UMOD: variants seen among roughly 807,000 people sequenced by gnomAD.
The protein encoded by UMOD is Tamm-Horsfall urinary glycoprotein.
A neutral mutation model predicts 66.0 loss-of-function variants in UMOD; 64 were observed. The ratio of observed to expected loss-of-function variants is 0.97; its 90% CI spans 0.79 to 1.19. UMOD has a LOEUF of 1.19. Ranked by LOEUF, UMOD falls within the 50% of genes most tolerant of loss-of-function variation. UMOD has a pLI of 0.00. For missense variants in UMOD, 764 were observed against 850.9 expected (o/e 0.90, Z 1.27); for synonymous variants, 398 against 352.7 (o/e 1.13, Z -1.44).
rs1194903656 is a variant in UMOD at position 20,350,752 on chromosome 16, C to T, written c.-15G>A. The T allele has an allele frequency of 1.9e-6, 3 of 1,613,712 alleles. No homozygotes were observed. Among genetic ancestry groups the T allele is most frequent in the South Asian group, 2.2e-5 (2 of 91,062 alleles). ...GGCTGCCCCATCCTTTCTGCTCTTCCCGCTACTTCAGGTCTAGATAGCACC... is the reference window on the plus strand; with the variant it reads ...GGCTGCCCCATCCTTTCTGCTCTTCTCGCTACTTCAGGTCTAGATAGCACC... On this transcript the variant is annotated 5_prime_UTR_variant, in exon 2 of 11. Transcript: ENST00000396138.
Position 20,348,912 on chromosome 16 carries a change from A to G in UMOD, c.389T>C (p.Val130Ala), listed in dbSNP as rs753916851. 84 of 1,563,678 alleles carry G rather than the reference A, an allele frequency of 5.4e-5. No individual in the cohort carries two copies. Among genetic ancestry groups the G allele is most frequent in the Non-Finnish European group, 6.7e-5 (77 of 1,154,552 alleles). The change falls in exon 3 of 11, where the codon GTG (valine) becomes GCG (alanine). Residue 130 changes from valine to alanine, a missense_variant. Coordinates refer to ENST00000396138, the MANE Select transcript of UMOD (RefSeq NM_003361.4). ...GGGGCATACGCACAAGTAGCTGCCC[A>G]CCACATTGACACATGTGGCCAGGGC... ...CHALATCVNV[V>A]GSYLCVCPAG...
At chr16:20,345,001 C>A (rs1965462724) in intron 5 of UMOD, among the ~76,000 whole-genome samples, 1 of 152,170 alleles carries the variant, frequency 6.6e-6, no homozygotes, top group Non-Finnish European at 1.5e-5. Context: ...TGGAAAATGA[C>A]ATGAATTATT....
chr16:20,354,935 A>C (rs921425620), upstream of UMOD, among the ~76,000 whole-genome samples: 1 of 152,152 alleles, frequency 6.6e-6, no homozygotes, highest in Admixed American at 6.5e-5. Context: ...TTGCTGCTTT[A>C]GATCACCCCA....
At chr16:20,343,568 T>A (rs1180607163) in intron 6 of UMOD, among the ~76,000 whole-genome samples, 1 of 152,218 alleles carries the variant, frequency 6.6e-6, no homozygotes, top group African/African-American at 2.4e-5. Context: ...ATCATCTACA[T>A]CAGTTTAATG....
intron 10 of UMOD, 32 bp downstream of exon 10, chr16:20,335,450 C>G: frequency 6.2e-7 from 1 of 1,611,968 alleles, no homozygotes. Flanking sequence ...AGTTCTGGAA[C>G]AGGTCCCACT....
chr16:20,335,117 C>A (rs1040979766), intron 10 of UMOD, among the ~76,000 whole-genome samples: 1 of 152,150 alleles, frequency 6.6e-6, no homozygotes. Context: ...TGAGCCACTG[C>A]GCCTGGCCTA....
At position 20,333,385 on chromosome 16, in the gene UMOD, A is replaced by G; in HGVS notation, c.1862-10T>C. ...CAGACTTTCAGGAGCCCTGAAAAGA[A>G]AACAGTGACAGGGCAACTGCTAGTA... On this transcript the variant is annotated splice_polypyrimidine_tract_variant and intron_variant, in intron 10 of 10. Transcript: ENST00000396138. 19 of 1,610,514 alleles carry G rather than the reference A, an allele frequency of 1.2e-5. No homozygotes were observed. The highest frequency in any genetic ancestry group is 1.6e-5 in the Non-Finnish European group (19 of 1,178,318).
chr16:20,345,616 T>C (rs180894934), intron 5 of UMOD, among the ~76,000 whole-genome samples: 76 of 151,176 alleles, frequency 5.0e-4, no homozygotes, highest in Middle Eastern at 3.4e-3. Flanking sequence ...TTTCTTCCTC[T>C]GGTAATGAGG....
At chr16:20,352,620 C>G in intron 1 of UMOD, 69 bp downstream of exon 1, 1 of 1,191,432 alleles carries the variant, frequency 8.4e-7, no homozygotes, top group Non-Finnish European at 1.1e-6. Flanking sequence ...TCTTAATTTC[C>G]TCTCCTACCT....
rs775006735 is a variant in UMOD at position 20,348,428 on chromosome 16, C to T, written c.865+8G>A. On this transcript the variant is annotated splice_region_variant and intron_variant, in intron 3 of 10. Transcript: ENST00000396138. ...TGGGATGAGGACTGTGGGGAGACTC[C>T]GGCTGACCTGTGCAGTACGCCAGGT... 1 of 1,613,866 alleles carries T rather than the reference C, an allele frequency of 6.2e-7. No individual in the cohort carries two copies. Among genetic ancestry groups the T allele is most frequent in the Non-Finnish European group, 8.5e-7 (1 of 1,180,046 alleles).
At chr16:20,336,889 A>G (rs1964905698) in intron 8 of UMOD, among the ~76,000 whole-genome samples, 162 bp from the exon 9 acceptor site, 2 of 152,154 alleles carry the variant, frequency 1.3e-5, no homozygotes, top group Non-Finnish European at 2.9e-5. Context: ...CAGCTCTGCC[A>G]TTTGTTAGAT....
At chr16:20,351,824 C>T (rs550384479) in intron 1 of UMOD, among the ~76,000 whole-genome samples, 66 of 151,972 alleles carry the variant, frequency 4.3e-4, no homozygotes, top group Non-Finnish European at 8.1e-4. Flanking sequence ...TTGAGACCAG[C>T]CTGGCCAGCA....
Position 20,333,104 on chromosome 16 carries a change from G to C in UMOD, c.*210C>G. 1 of 602,538 alleles carries C rather than the reference G, an allele frequency of 1.7e-6. No individual in the cohort carries two copies. Among genetic ancestry groups the C allele is most frequent in the Non-Finnish European group, 3.1e-6 (1 of 327,370 alleles). 37.3% of individuals were successfully genotyped at this position (602,538 alleles called of 1,614,324 possible). The stretch of plus-strand genomic sequence containing the variant: ...ACTCTTTAAGGAGATGGGGGCCTCA[G>C]GTACACCGTCACAAGTCCCATTTTG... On this transcript the variant is annotated 3_prime_UTR_variant, in exon 11 of 11. Coordinates refer to ENST00000396138, the MANE Select transcript of UMOD (RefSeq NM_003361.4).
intron 4 of UMOD, among the ~76,000 whole-genome samples, chr16:20,347,846 C>T (rs903373308): frequency 5.3e-5 from 8 of 152,152 alleles, no homozygotes; most frequent in African/African-American, 1.7e-4. Flanking sequence ...GTCATCAGGC[C>T]TGAGCTGATT....
In UMOD at chr16:20,348,493, C is replaced by T. The variant is rs781101544; in HGVS notation, c.808G>A (p.Gly270Ser). The T allele has an allele frequency of 8.1e-6, 13 of 1,611,458 alleles. No individual in the cohort carries two copies. Among genetic ancestry groups the T allele is most frequent in the Non-Finnish European group, 9.3e-6 (11 of 1,179,862 alleles). ...GCTGTCAGGTTGTAGACGTAGTAGC[C>T]GCCGGCACAGGCCTTCACCTGGACG... ...ASVQVKACAG[G>S]YYVYNLTAPP... The change falls in exon 3 of 11, where the codon GGC (glycine) becomes AGC (serine). Residue 270 changes from glycine (G) to serine (S), a missense_variant. Physicochemically the swap from Gly to Ser is moderately conservative, Grantham distance 56. Coordinates refer to ENST00000396138, the MANE Select transcript of UMOD (RefSeq NM_003361.4).
At chr16:20,351,796 G>A (rs1742356916) in intron 1 of UMOD, among the ~76,000 whole-genome samples, 1 of 152,052 alleles carries the variant, frequency 6.6e-6, no homozygotes. Context: ...TGAGGGGGTG[G>A]ATCACAAGGT....
At chr16:20,333,891 G>A (rs550196466) in intron 10 of UMOD, among the ~76,000 whole-genome samples, 30 of 152,138 alleles carry the variant, frequency 2.0e-4, no homozygotes, top group African/African-American at 7.0e-4. Context: ...AAAATTAGCC[G>A]GGCGTGGTGG....
chr16:20,348,458 C>T lies in UMOD; in HGVS notation c.843G>A (p.Glu281=). The change falls in exon 3 of 11, where the codon GAG becomes GAA. Residue 281 remains glutamate (E), a synonymous_variant. Transcript: ENST00000396138. Reference sequence around the variant, plus strand: ...GACCTGTGCAGTACGCCAGGTGACACTCGGGGGGCGCTGTCAGGTTGTAGA... The same window carrying T: ...GACCTGTGCAGTACGCCAGGTGACATTCGGGGGGCGCTGTCAGGTTGTAGA... ...YYVYNLTAPP[E]CHLAYCTDPS... The T allele has an allele frequency of 1.2e-6, 2 of 1,613,536 alleles. No homozygotes were observed. Among genetic ancestry groups the T allele is most frequent in the South Asian group, 1.1e-5 (1 of 91,074 alleles).
chr16:20,346,427 A>G, intron 4 of UMOD, 93 bp from the exon 5 acceptor site: 1 of 1,292,964 alleles, frequency 7.7e-7, no homozygotes, highest in Non-Finnish European at 1.1e-6. Context: ...TGGGCTGACC[A>G]CCATCTGGAA....
Sources: allele counts gnomAD v4.1 joint callset (sites outside exome capture counted in the v4.1 genomes callset), GRCh38; gene constraint gnomAD v4.1.1; transcripts MANE v1.5; gene names NCBI Gene and HGNC (gene_info 2026-07-23, HGNC 2026-07-21).